Variants in DENND5B observed in about 807,000 individuals in gnomAD.
DENND5B encodes the protein DENN domain-containing protein 5B.
Under a neutral mutation model 140.6 loss-of-function variants are expected in DENND5B, and 34 were observed. That is an observed-to-expected ratio of 0.24 (90% CI 0.18 to 0.32). The LOEUF (loss-of-function observed/expected upper bound fraction) is 0.32, where lower values mean the gene tolerates loss of function less well. DENND5B is among the 10% of genes least tolerant of loss of function. The probability of loss-of-function intolerance (pLI) is 1.00; values close to 1 mark genes in which losing one functional copy is unlikely to be tolerated. For synonymous variants in DENND5B, 551 were observed against 562.1 expected, an observed-to-expected ratio of 0.98 and a Z score of 0.28; for missense variants, 1,142 against 1,560.2, an observed-to-expected ratio of 0.73 and a Z score of 4.52.
chr12:31,518,237 A>C (rs1206146733), intron 1 of DENND5B, among the ~76,000 whole-genome samples: 1 of 152,222 alleles, frequency 6.6e-6, no homozygotes, highest in Non-Finnish European at 1.5e-5. Context: ...AGGAAATAAC[A>C]CTACACAAAC....
intron 1 of DENND5B, among the ~76,000 whole-genome samples, chr12:31,497,076 G>GACT (rs1190516170): frequency 1.3e-5 from 2 of 151,256 alleles, no homozygotes; most frequent in Non-Finnish European, 2.9e-5. Flanking sequence ...CTTCTAGTTA[G>GACT]ACTCAGTTTC....
At chr12:31,412,885 G>A (rs2137563486) in intron 13 of DENND5B, among the ~76,000 whole-genome samples, 1 of 152,210 alleles carries the variant, frequency 6.6e-6, no homozygotes, top group South Asian at 2.1e-4. Context: ...GTCAGCTTGT[G>A]TGAACTAGCC....
intron 8 of DENND5B, among the ~76,000 whole-genome samples, chr12:31,428,041 C>T (rs1335297063): frequency 6.6e-6 from 1 of 152,126 alleles, no homozygotes; most frequent in Admixed American, 6.5e-5. Context: ...GCAAAATTAA[C>T]AAAATAATGT....
chr12:31,485,209 A>T (rs1946253669), intron 2 of DENND5B, among the ~76,000 whole-genome samples: 1 of 152,240 alleles, frequency 6.6e-6, no homozygotes, highest in Non-Finnish European at 1.5e-5. Flanking sequence ...CTGACCGCAC[A>T]TCACACAACA....
chr12:31,421,836 A>C (rs1212320106), intron 11 of DENND5B, among the ~76,000 whole-genome samples: 1 of 152,140 alleles, frequency 6.6e-6, no homozygotes, highest in Non-Finnish European at 1.5e-5. Context: ...ACAGGCGTTG[A>C]GTCAACATGC....
At chr12:31,492,606 T>C (rs1309920486) in intron 2 of DENND5B, among the ~76,000 whole-genome samples, 1 of 152,250 alleles carries the variant, frequency 6.6e-6, no homozygotes, top group East Asian at 1.9e-4. Context: ...TTTTGAAATA[T>C]CTTACTAATT....
intron 3 of DENND5B, among the ~76,000 whole-genome samples, chr12:31,475,804 C>CGGT (rs1297970432): frequency 6.6e-6 from 1 of 151,874 alleles, no homozygotes; most frequent in Non-Finnish European, 1.5e-5. Flanking sequence ...AGACCACAAA[C>CGGT]GGTGAGACAT....
At chr12:31,427,218 T>C (rs2137756939) in intron 8 of DENND5B, among the ~76,000 whole-genome samples, 1 of 152,284 alleles carries the variant, frequency 6.6e-6, no homozygotes, top group East Asian at 1.9e-4. Flanking sequence ...CCAAATGCTC[T>C]TGAGCTTTGG....
rs1941650659 is a variant in DENND5B, at chr12:31,399,140, AAAAAAGAG to A, written c.3068+506_3068+513del. On this transcript the variant is annotated intron_variant, in intron 16 of 20. Transcript: ENST00000389082. Reference sequence around the variant, plus strand: ...TCTGTCTCAGCCCAAAAAAAAAAAAAAAAAAGAGAGAGAAAGAAAAAAAAAAGTTTTTT... The same window carrying A: ...TCTGTCTCAGCCCAAAAAAAAAAAAAAGAGAAAGAAAAAAAAAAGTTTTTT... Among the ~76,000 whole-genome samples, 2 of 141,194 alleles carry A rather than the reference AAAAAAGAG, an allele frequency of 1.4e-5. 1 individual carries two copies. Among genetic ancestry groups the A allele is most frequent in the South Asian group, 4.4e-4 (2 of 4,512 alleles). The allele number at this position is 141,194 out of a possible 152,430, so 92.6% of individuals were successfully genotyped here. A position where few individuals can be genotyped will look rare whatever the true frequency, so the allele number is the denominator to read the frequency against.
chr12:31,488,600 T>A (rs1436618118), intron 2 of DENND5B, among the ~76,000 whole-genome samples: 1 of 152,182 alleles, frequency 6.6e-6, no homozygotes, highest in Non-Finnish European at 1.5e-5. Flanking sequence ...ATATATCTAA[T>A]CGGGAAACAT....
At chr12:31,530,879 C>T (rs1948255792) in intron 1 of DENND5B, among the ~76,000 whole-genome samples, 2 of 152,168 alleles carry the variant, frequency 1.3e-5, no homozygotes, top group South Asian at 4.1e-4. Context: ...TAAAATCTTT[C>T]TATTTCTAGT....
intron 1 of DENND5B, among the ~76,000 whole-genome samples, chr12:31,529,248 A>G (rs1948199472): frequency 6.6e-6 from 1 of 152,116 alleles, no homozygotes; most frequent in African/African-American, 2.4e-5. Flanking sequence ...AATCTATGAA[A>G]TCACAAGATG....
At position 31,479,866 on chromosome 12, in the gene DENND5B, G is replaced by A. The variant is rs1945988618; in HGVS notation, c.627C>T (p.Ile209=). The change falls in exon 3 of 21, where the codon ATC becomes ATT. Residue 209 remains isoleucine, a synonymous_variant. Transcript: ENST00000389082. ...PFMQACKKFL[I]QLYKAVTSQQ... ...GTGAGGTAACAGCCTTGTAAAGCTGGATAAGGAATTTCTTGCAGGCCTGCA... is the reference window on the plus strand; with the variant it reads ...GTGAGGTAACAGCCTTGTAAAGCTGAATAAGGAATTTCTTGCAGGCCTGCA... 1.9e-6 allele frequency: 3 copies of A among 1,613,944 alleles called. No homozygotes were observed. The highest frequency in any genetic ancestry group is 1.1e-5 in the South Asian group (1 of 91,082).
At chr12:31,426,514 AAATG>A (rs1943243047) in intron 8 of DENND5B, 90 bp from the exon 9 acceptor site, 2 of 1,436,716 alleles carry the variant, frequency 1.4e-6, no homozygotes, top group African/African-American at 2.9e-5. Context: ...GAGACAAATG[AAATG>A]CAAAAAAGTC....
At chr12:31,562,201 C>T (rs76448866) in intron 1 of DENND5B, among the ~76,000 whole-genome samples, 3,214 of 152,192 alleles carry the variant, frequency 0.021, 56 homozygotes, top group South Asian at 0.052. Flanking sequence ...TCTGGCCAGC[C>T]CTACCTCATT....
chr12:31,413,298 C>T (rs556449082), intron 13 of DENND5B, 138 bp downstream of exon 13: 26 of 1,074,106 alleles, frequency 2.4e-5, no homozygotes, highest in Middle Eastern at 2.4e-4. Flanking sequence ...TCAAAGCACA[C>T]GCCTGTTAGA....
At chr12:31,531,712 A>G (rs1457129844) in intron 1 of DENND5B, among the ~76,000 whole-genome samples, 1 of 152,182 alleles carries the variant, frequency 6.6e-6, no homozygotes, top group African/African-American at 2.4e-5. Context: ...TTCCAGAATG[A>G]ATTGAAGAAT....
chr12:31,457,554 T>C (rs977413827), intron 4 of DENND5B, among the ~76,000 whole-genome samples: 4 of 152,222 alleles, frequency 2.6e-5, no homozygotes, highest in African/African-American at 4.8e-5. Flanking sequence ...GTCATTTTTT[T>C]AAATGACTAT....
chr12:31,472,197 CATT>C (rs1280415218), intron 3 of DENND5B, among the ~76,000 whole-genome samples: 2 of 152,106 alleles, frequency 1.3e-5, no homozygotes, highest in African/African-American at 4.8e-5. Context: ...CTAATAAAAA[CATT>C]AATAATGAGT....
Sources: allele counts gnomAD v4.1 joint callset (sites outside exome capture counted in the v4.1 genomes callset), GRCh38; gene constraint gnomAD v4.1.1; transcripts MANE v1.5; gene names NCBI Gene and HGNC (gene_info 2026-07-23, HGNC 2026-07-21).